MBTPS1: variants seen among roughly 807,000 people sequenced by gnomAD.
MBTPS1 encodes the protein membrane bound transcription factor peptidase, site 1.
A neutral mutation model predicts 127.8 loss-of-function variants in MBTPS1; 94 were observed. The observed-to-expected ratio is 0.74, with a 90% CI of 0.62 to 0.87. The LOEUF (loss-of-function observed/expected upper bound fraction) is 0.87, where lower values mean the gene tolerates loss of function less well. Ranked by LOEUF, MBTPS1 falls within the 40% of genes least tolerant of loss-of-function variation. The pLI is 0.00. For synonymous variants in MBTPS1, 632 were observed against 509.4 expected (o/e 1.24, Z -3.24); for missense variants, 1,636 against 1,353.2 (o/e 1.21, Z -3.28).
chr16:84,056,075 G>C lies in MBTPS1; in HGVS notation c.2892C>G (p.Asn964Lys). 3 of 1,614,154 alleles carry C rather than the reference G, an allele frequency of 1.9e-6. No individual in the cohort carries two copies. Among genetic ancestry groups the C allele is most frequent in the Non-Finnish European group, 2.5e-6 (3 of 1,179,962 alleles). Residue 964 changes from asparagine (N) to lysine (K), a missense_variant, in exon 22 of 23, where the codon AAC becomes AAG. By Grantham distance (94) the Asn-to-Lys change is moderately conservative. Transcript: ENST00000343411. Reference sequence around the variant, plus strand: ...TCACTTGAGGGCGATTCGATCGAAAGTTGGGTAACACCACCTTGTCCAGGT... The same window carrying C: ...TCACTTGAGGGCGATTCGATCGAAACTTGGGTAACACCACCTTGTCCAGGT... ...SIDLDKVVLP[N>K]FRSNRPQVRP...
intron 6 of MBTPS1, 138 bp downstream of exon 6, chr16:84,093,050 G>A (rs1314856308): frequency 3.0e-6 from 2 of 669,524 alleles, no homozygotes; most frequent in Non-Finnish European, 2.7e-6. Flanking sequence ...ACAGTAAACT[G>A]AGCATGCGTG....
In MBTPS1 at chr16:84,067,696, T is replaced by A. The variant is rs778264956; in HGVS notation, c.2199A>T (p.Arg733Ser). 11 of 1,613,564 alleles carry A rather than the reference T, an allele frequency of 6.8e-6. No individual in the cohort carries two copies. The highest frequency in any genetic ancestry group is 3.3e-4 in the Middle Eastern group (2 of 6,084). ...TGTTTTCATCATAAAACTTCACTTTTCTCATAACAGAAGTGTTGTACCAGT... is the reference window on the plus strand; with the variant it reads ...TGTTTTCATCATAAAACTTCACTTTACTCATAACAGAAGTGTTGTACCAGT... ...FSDWYNTSVM[R>S]KVKFYDENTR... Residue 733 changes from arginine to serine, a missense_variant, in exon 16 of 23, where the codon AGA becomes AGT. Coordinates refer to ENST00000343411, the MANE Select transcript of MBTPS1 (RefSeq NM_003791.4).
chr16:84,072,714 C>T (rs1280124771), intron 12 of MBTPS1, among the ~76,000 whole-genome samples: 9 of 152,056 alleles, frequency 5.9e-5, no homozygotes, highest in South Asian at 2.1e-4. Flanking sequence ...GGCGTGAACC[C>T]GGGAGACGGA....
At chr16:84,098,988 C>T in intron 3 of MBTPS1, 65 bp downstream of exon 3, 1 of 1,472,142 alleles carries the variant, frequency 6.8e-7, no homozygotes, top group East Asian at 2.3e-5. Flanking sequence ...TTTTCAACTA[C>T]TCTGCAGTTT....
At chr16:84,113,390 C>T (rs535097420) in intron 1 of MBTPS1, among the ~76,000 whole-genome samples, 2 of 152,266 alleles carry the variant, frequency 1.3e-5, no homozygotes, top group South Asian at 4.1e-4. Flanking sequence ...AATGATTACA[C>T]CTCTAATACA....
At chr16:84,080,373 A>G (rs1008281487) in intron 11 of MBTPS1, among the ~76,000 whole-genome samples, 6 of 152,256 alleles carry the variant, frequency 3.9e-5, no homozygotes, top group African/African-American at 1.2e-4. Context: ...GCATGCTAAC[A>G]TGAGTGAGTG....
Position 84,082,303 on chromosome 16 carries a change from C to G in MBTPS1, c.1287-395G>C, listed in dbSNP as rs115074137. ...TGGCTGGGAGAAGGAGGAGCACATT[C>G]AGATCCTGGGGAGGGGCCACGACAC... is the stretch of plus-strand genomic sequence containing the variant. On this transcript the variant is annotated intron_variant, in intron 10 of 22. Coordinates refer to ENST00000343411, the MANE Select transcript of MBTPS1 (RefSeq NM_003791.4). 753 of 153,760 alleles carry G rather than the reference C, an allele frequency of 4.9e-3. 5 individuals are homozygous for G. The highest frequency in any genetic ancestry group is 0.017 in the African/African-American group (719 of 41,614). The allele number at this position is 153,760 out of a possible 1,614,324, so 9.5% of individuals were successfully genotyped here.
chr16:84,111,404 G>T (rs1164310672), intron 1 of MBTPS1, among the ~76,000 whole-genome samples: 2 of 152,132 alleles, frequency 1.3e-5, no homozygotes, highest in Admixed American at 6.5e-5. Flanking sequence ...GCTAGGTAAT[G>T]GTGGTGGGTG....
rs74590259 is a variant in MBTPS1 at position 84,069,932 on chromosome 16, T to C, written c.1889A>G (p.Asn630Ser). The C allele has an allele frequency of 1.9e-6, 3 of 1,613,996 alleles. No individual in the cohort carries two copies. Among genetic ancestry groups the C allele is most frequent in the Admixed American group, 1.7e-5 (1 of 60,006 alleles). Residue 630 changes from asparagine (N) to serine (S), a missense_variant, in exon 14 of 23, where the codon AAC becomes AGC. Physicochemically the swap from Asn to Ser is conservative, Grantham distance 46. Coordinates refer to ENST00000343411, the MANE Select transcript of MBTPS1 (RefSeq NM_003791.4). ...GAAATAGCCAGGTGGATAGCGGAGG[T>C]TGTGGTACTGATCCCAGAGAACTCT... is the stretch of plus-strand genomic sequence containing the variant. Reference protein sequence around the residue: ...SKRVLWDQYHNLRYPPGYFPR... With the variant: ...SKRVLWDQYHSLRYPPGYFPR...
At position 84,081,833 on chromosome 16, in the gene MBTPS1, G is replaced by A. The variant is rs370767098; in HGVS notation, c.1362C>T (p.Pro454=). ...GGCCTTGCTCAAACATGTTGACCCC[G>A]GGGAGCCTCCGGGCTGACGCGATCA... ...QALIASARRL[P]GVNMFEQGHG... Residue 454 remains proline (P), a synonymous_variant, in exon 11 of 23, where the codon CCC becomes CCT. Transcript: ENST00000343411. 52 of 1,532,058 alleles carry A rather than the reference G, an allele frequency of 3.4e-5. No homozygotes were observed. Among genetic ancestry groups the A allele is most frequent in the African/African-American group, 5.6e-5 (4 of 71,146 alleles). The allele number at this position is 1,532,058 out of a possible 1,614,324, so 94.9% of individuals were successfully genotyped here. A position where few individuals can be genotyped will look rare whatever the true frequency, so the allele number is the denominator to read the frequency against.
intron 22 of MBTPS1, 85 bp from the exon 23 acceptor site, chr16:84,054,730 A>G: frequency 9.2e-7 from 1 of 1,081,990 alleles, no homozygotes; most frequent in Non-Finnish European, 1.3e-6. Context: ...GATTCATCAG[A>G]AACTAAATGC....
chr16:84,092,916 G>T (rs1235685087), intron 6 of MBTPS1, among the ~76,000 whole-genome samples: 1 of 152,230 alleles, frequency 6.6e-6, no homozygotes, highest in African/African-American at 2.4e-5. Flanking sequence ...CCTGGAGGTA[G>T]AGAAGAAACA....
At chr16:84,096,479 G>C (rs1417316931) in intron 3 of MBTPS1, among the ~76,000 whole-genome samples, 2 of 152,166 alleles carry the variant, frequency 1.3e-5, no homozygotes, top group Non-Finnish European at 2.9e-5. Flanking sequence ...TTTACTATCT[G>C]TAAGTCTCTT....
At chr16:84,075,457 G>C (rs1347590194) in intron 11 of MBTPS1, 1 of 138,216 alleles carries the variant, frequency 7.2e-6, no homozygotes, top group Non-Finnish European at 1.5e-5. Context: ...GTGCAGCAGC[G>C]GTGTCAGCTA....
At chr16:84,070,123 A>C in intron 13 of MBTPS1, 85 bp from the exon 14 acceptor site, 2 of 1,147,980 alleles carry the variant, frequency 1.7e-6, no homozygotes, top group Non-Finnish European at 2.5e-6. Flanking sequence ...CTATTTATCA[A>C]CTTAACCTAA....
chr16:84,068,677 T>C (rs760884754), intron 14 of MBTPS1, among the ~76,000 whole-genome samples: 6 of 152,156 alleles, frequency 3.9e-5, no homozygotes, highest in Admixed American at 6.5e-5. Flanking sequence ...GGCAGGTGCA[T>C]GAAAGAGACA....
chr16:84,096,466 A>G (rs1032367888), intron 3 of MBTPS1, among the ~76,000 whole-genome samples: 2 of 152,224 alleles, frequency 1.3e-5, no homozygotes, highest in African/African-American at 4.8e-5. Context: ...AAAAAGGACG[A>G]ATTTTACTAT....
chr16:84,068,519 C>T (rs2085724162), intron 14 of MBTPS1, 65 bp from the exon 15 acceptor site: 2 of 1,191,366 alleles, frequency 1.7e-6, no homozygotes, highest in Admixed American at 3.5e-5. Context: ...GCATATCTGG[C>T]CACAGGGCCG....
chr16:84,077,569 T>A (rs61531836), intron 11 of MBTPS1, among the ~76,000 whole-genome samples: 8,133 of 152,150 alleles, frequency 0.053, 496 homozygotes, highest in African/African-American at 0.15. Flanking sequence ...CATCCCTACC[T>A]CCAAACAATA....
Sources: gnomAD v4.1 joint callset for allele counts (sites outside exome capture counted in the v4.1 genomes callset) on GRCh38, gnomAD v4.1.1 for gene constraint, MANE v1.5 for transcripts, NCBI Gene and HGNC (gene_info 2026-07-23, HGNC 2026-07-21) for gene names.